MAST2: variants seen among roughly 807,000 people sequenced by gnomAD.
The protein encoded by MAST2 is microtubule-associated serine/threonine-protein kinase 2.
In MAST2, 70 loss-of-function variants were observed where a neutral mutation model predicts 147.4. That is an observed-to-expected ratio of 0.47 (90% CI 0.39 to 0.58). The LOEUF is 0.58. Ranked by LOEUF, MAST2 falls within the 20% of genes least tolerant of loss-of-function variation. The pLI, the probability that MAST2 is intolerant of heterozygous loss-of-function variation, is 0.00. For missense variants in MAST2, 2,080 were observed against 2,302.3 expected, an observed-to-expected ratio of 0.90 and a Z score of 1.98; for synonymous variants, 869 against 896.8, an observed-to-expected ratio of 0.97 and a Z score of 0.55.
At chr1:45,956,174 A>T (rs779627912) in intron 4 of MAST2, among the ~76,000 whole-genome samples, 12 of 152,202 alleles carry the variant, frequency 7.9e-5, no homozygotes, top group Non-Finnish European at 1.6e-4. Context: ...GGTCAAATTC[A>T]AATTTTATTT....
intron 1 of MAST2, among the ~76,000 whole-genome samples, chr1:45,821,782 G>T (rs1032375106): frequency 6.6e-6 from 1 of 151,536 alleles, no homozygotes; most frequent in Non-Finnish European, 1.5e-5. Context: ...CTCTCAAAGT[G>T]CTGGGATTAC....
chr1:45,926,132 C>G (rs1047766945), intron 4 of MAST2, among the ~76,000 whole-genome samples: 1 of 152,156 alleles, frequency 6.6e-6, no homozygotes, highest in African/African-American at 2.4e-5. Flanking sequence ...TGTTCTTATC[C>G]TGGCCCTGCT....
rs1024374453 is a variant in MAST2, at chr1:45,857,855, T to G, written c.469-24509T>G. Among the ~76,000 whole-genome samples the G allele has an allele frequency of 4.1e-5, 6 of 146,128 alleles. No homozygotes were observed. In the East Asian group the frequency reaches 9.9e-4, roughly 24 times the overall value. Reference sequence around the variant, plus strand: ...TATGAGTGAGAACATGCGGTGTTTTTTTTTTTTTTTTTTTTTTTGTCCTTG... The same window carrying G: ...TATGAGTGAGAACATGCGGTGTTTTGTTTTTTTTTTTTTTTTTTGTCCTTG... On this transcript the variant is annotated intron_variant, in intron 3 of 28. Transcript: ENST00000361297.
At chr1:45,942,368 C>A (rs1657426026) in intron 4 of MAST2, among the ~76,000 whole-genome samples, 1 of 152,072 alleles carries the variant, frequency 6.6e-6, no homozygotes, top group South Asian at 2.1e-4. Context: ...TAGTTTTCTT[C>A]AGTAAAGCTA....
chr1:45,976,141 A>AT (rs903187090), intron 5 of MAST2, among the ~76,000 whole-genome samples: 6 of 151,356 alleles, frequency 4.0e-5, no homozygotes, highest in South Asian at 2.1e-4. Context: ...CACCCAGCAA[A>AT]TTTTTTTTTA....
chr1:45,879,112 T>C (rs2148262819), intron 3 of MAST2, among the ~76,000 whole-genome samples: 1 of 151,416 alleles, frequency 6.6e-6, no homozygotes, highest in African/African-American at 2.4e-5. Flanking sequence ...GGCAGAAAAA[T>C]AGATCAGTAG....
chr1:45,878,464 TA>T (rs1183846268), intron 3 of MAST2, among the ~76,000 whole-genome samples: 1 of 152,150 alleles, frequency 6.6e-6, no homozygotes, highest in East Asian at 1.9e-4. Context: ...TTCAAAATGT[TA>T]AATGCTTTTC....
chr1:45,877,949 A>G (rs1646676095), intron 3 of MAST2, among the ~76,000 whole-genome samples: 1 of 152,206 alleles, frequency 6.6e-6, no homozygotes, highest in African/African-American at 2.4e-5. Context: ...CACGCCTGTA[A>G]TCCCAGCACT....
At chr1:45,808,015 C>CT (rs1489363105) in intron 1 of MAST2, among the ~76,000 whole-genome samples, 2 of 152,026 alleles carry the variant, frequency 1.3e-5, no homozygotes, top group Non-Finnish European at 2.9e-5. Context: ...TCACACGTAA[C>CT]TTTTTTTTCC....
At chr1:45,914,323 G>A (rs1652129733) in intron 4 of MAST2, among the ~76,000 whole-genome samples, 1 of 152,164 alleles carries the variant, frequency 6.6e-6, no homozygotes. Flanking sequence ...GCAGATTCAA[G>A]CATGGGTCCT....
At chr1:45,867,662 G>A (rs146262575) in intron 3 of MAST2, among the ~76,000 whole-genome samples, 315 of 152,296 alleles carry the variant, frequency 2.1e-3, no homozygotes, top group Admixed American at 3.3e-3. Context: ...GATTGGAGGG[G>A]TGATAGCAGT....
chr1:45,913,952 C>T lies in MAST2; in HGVS notation c.500+31557C>T, dbSNP rs138771004. 4.5e-5 allele frequency: 46 copies of T among 1,026,910 alleles called. No individual in the cohort carries two copies. The East Asian group carries it at 2.7e-3, about 60-fold the overall frequency. The allele number at this position is 1,026,910 out of a possible 1,614,324, so 63.6% of individuals were successfully genotyped here. ...AAACTAATGCCAACTAACACAGCTT[C>T]GTTCATTTGGATGAAGACTGTTTTG... On this transcript the variant is annotated intron_variant, in intron 4 of 28. Transcript: ENST00000361297.
At chr1:45,865,095 T>C (rs1268591923) in intron 3 of MAST2, 1 of 456,322 alleles carries the variant, frequency 2.2e-6, no homozygotes, top group Admixed American at 2.4e-5. Context: ...TTGTCTGATA[T>C]CTATTATGGA....
chr1:46,013,690 A>G (rs938982467), intron 10 of MAST2, among the ~76,000 whole-genome samples: 3 of 152,094 alleles, frequency 2.0e-5, no homozygotes, highest in Admixed American at 6.6e-5. Context: ...CAAAAAAAAA[A>G]AAAAGAAAAG....
Position 46,027,806 on chromosome 1 carries a change from A to G in MAST2, c.1995A>G (p.Thr665=), listed in dbSNP as rs1452430912. 1 of 1,614,186 alleles carries G rather than the reference A, an allele frequency of 6.2e-7. No homozygotes were observed. The highest frequency in any genetic ancestry group is 2.2e-5 in the East Asian group (1 of 44,882). ...CCAAAATTGGCCTCATGAGTCTGAC[A>G]ACGAACTTGTATGAGGGTCATATTG... ...GLSKIGLMSL[T]TNLYEGHIEK... is the part of the protein sequence containing the mutation. The change falls in exon 17 of 29, where the codon ACA becomes ACG. Residue 665 remains threonine, a synonymous_variant. Transcript: ENST00000361297.
chr1:46,034,756 C>G lies in MAST2; in HGVS notation c.4087C>G (p.Pro1363Ala), dbSNP rs1646830085. 1 of 1,613,980 alleles carries G rather than the reference C, an allele frequency of 6.2e-7. No individual in the cohort carries two copies. Among genetic ancestry groups the G allele is most frequent in the Non-Finnish European group, 8.5e-7 (1 of 1,180,014 alleles). ...PPPTASPQRSPSPLSGHVAQA... is the reference protein window; with the variant it reads ...PPPTASPQRSASPLSGHVAQA... Reference sequence around the variant, plus strand: ...CCCAACAGCTTCACCTCAGCGGTCCCCATCGCCCCTGTCTGGCCATGTAGC... The same window carrying G: ...CCCAACAGCTTCACCTCAGCGGTCCGCATCGCCCCTGTCTGGCCATGTAGC... The change falls in exon 29 of 29, where the codon CCA becomes GCA. Residue 1363 changes from proline to alanine, a missense_variant. Around this residue, in one of 4 missense-constraint regions of MAST2, gnomAD observed 1,278 missense variants for 1,304.2 expected, o/e 0.98. Coordinates refer to ENST00000361297, the MANE Select transcript of MAST2 (RefSeq NM_015112.3).
intron 3 of MAST2, among the ~76,000 whole-genome samples, chr1:45,850,189 C>A (rs1645579458): frequency 6.6e-6 from 1 of 152,102 alleles, no homozygotes; most frequent in Non-Finnish European, 1.5e-5. Context: ...ATGTGCATTT[C>A]TCAAATGGTT....
intron 4 of MAST2, among the ~76,000 whole-genome samples, chr1:45,924,931 G>T (rs1654125380): frequency 6.6e-6 from 1 of 152,142 alleles, no homozygotes; most frequent in Non-Finnish European, 1.5e-5. Flanking sequence ...CCCTGCTAAT[G>T]CCCTTATCTT....
At chr1:45,902,340 T>G (rs1649922695) in intron 4 of MAST2, among the ~76,000 whole-genome samples, 4 of 152,214 alleles carry the variant, frequency 2.6e-5, no homozygotes, top group Admixed American at 2.6e-4. Context: ...AACCATTTGA[T>G]CATGATCCAG....
Sources: gnomAD v4.1 joint callset for allele counts (sites outside exome capture counted in the v4.1 genomes callset) on GRCh38, gnomAD v4.1.1 for gene constraint, gnomAD v4.1.1 regional missense constraint, MANE v1.5 for transcripts, NCBI Gene and HGNC (gene_info 2026-07-23, HGNC 2026-07-21) for gene names.